The following PFKFB3 variants were observed in gnomAD, a reference collection of about 807,000 sequenced individuals.
The protein encoded by PFKFB3 is 6-phosphofructo-2-kinase/fructose-2,6-biphosphatase 3.
Under a neutral mutation model 68.0 loss-of-function variants are expected in PFKFB3, and 33 were observed. The ratio of observed to expected loss-of-function variants is 0.49; its 90% CI spans 0.37 to 0.65. The LOEUF is 0.65. PFKFB3 is among the 30% of genes least tolerant of loss of function. The probability of loss-of-function intolerance (pLI) is 0.00; values close to 1 mark genes in which losing one functional copy is unlikely to be tolerated. For synonymous variants in PFKFB3, 315 were observed against 288.2 expected, an observed-to-expected ratio of 1.09 and a Z score of -0.94; for missense variants, 586 against 712.2, an observed-to-expected ratio of 0.82 and a Z score of 2.02.
chr10:6,179,194 A>G (rs938938646), intron 1 of PFKFB3, among the ~76,000 whole-genome samples: 3 of 152,344 alleles, frequency 2.0e-5, no homozygotes, highest in Admixed American at 1.3e-4. Context: ...GCACAGAGAA[A>G]TTCAGTTATT....
chr10:6,292,579 G>A, the PFKFB3 span, among the ~76,000 whole-genome samples: 10 of 151,328 alleles, frequency 6.6e-5, no homozygotes, highest in South Asian at 2.1e-4. Context: ...GTGAGCCACC[G>A]TGCCTGGCCC....
Position 6,213,653 on chromosome 10 carries a change from CCGTCAT to C in PFKFB3, c.114_119del (p.Ile38_Val39del). 1 of 1,613,320 alleles carries C rather than the reference CCGTCAT, an allele frequency of 6.2e-7. No individual in the cohort carries two copies. The highest frequency in any genetic ancestry group is 8.5e-7 in the Non-Finnish European group (1 of 1,179,696). On this transcript the variant is annotated inframe_deletion, in exon 2 of 15. Coordinates refer to ENST00000379775, the MANE Select transcript of PFKFB3 (RefSeq NM_004566.4). ...GGGCCAAAGCTGACCAACTCCCCCACCGTCATCGTCATGGTGGGCCTCCCCGCCCGG... is the reference window on the plus strand; with the variant it reads ...GGGCCAAAGCTGACCAACTCCCCCACCGTCATGGTGGGCCTCCCCGCCCGG...
Position 6,232,893 on chromosome 10 carries a change from A to G in PFKFB3, c.1516-2A>G. The G allele has an allele frequency of 6.2e-7, 1 of 1,612,744 alleles. No homozygotes were observed. Among genetic ancestry groups the G allele is most frequent in the Non-Finnish European group, 8.5e-7 (1 of 1,179,100 alleles). ...CCCACCTCTCTTTTCTCCTGAAAAC[A>G]GAACATGAAAGGCTCCCGGAGCAGC... is the stretch of plus-strand genomic sequence containing the variant. On this transcript the variant is annotated splice_acceptor_variant, in intron 14 of 14. Transcript: ENST00000379775. LOFTEE classifies it high-confidence loss of function.
At chr10:6,204,275 A>G (rs1843544195) in intron 1 of PFKFB3, among the ~76,000 whole-genome samples, 1 of 152,232 alleles carries the variant, frequency 6.6e-6, no homozygotes, top group African/African-American at 2.4e-5. Context: ...TGGGCTGGAC[A>G]GGGAGCCGCC....
At chr10:6,174,447 G>C (rs1036724269) in intron 1 of PFKFB3, among the ~76,000 whole-genome samples, 1 of 152,212 alleles carries the variant, frequency 6.6e-6, no homozygotes, top group Non-Finnish European at 1.5e-5. Context: ...ATGGGACGCG[G>C]GCATCAGCTC....
At chr10:6,147,426 T>C (rs1289837251) in intron 1 of PFKFB3, among the ~76,000 whole-genome samples, 3 of 152,200 alleles carry the variant, frequency 2.0e-5, no homozygotes, top group African/African-American at 7.2e-5. Flanking sequence ...CAGGCTGTGC[T>C]TCTGCCTCTT....
At position 6,240,558 on chromosome 10, in the gene PFKFB3, C is replaced by A. The variant is rs556737748; in HGVS notation, c.1516-13620C>A. Among the ~76,000 whole-genome samples, 122 of 152,260 alleles carry A rather than the reference C, an allele frequency of 8.0e-4. 1 individual carries two copies. Among genetic ancestry groups the A allele is most frequent in the Admixed American group, 6.7e-3 (103 of 15,292 alleles). On this transcript the variant is annotated intron_variant, in intron 14 of 14. Coordinates refer to the PFKFB3 transcript ENST00000640683. ...GGATTACAGACGTGAGCCGCCGCGC[C>A]TGGCCTGAAATAATTTTAGATTTAC... is the stretch of plus-strand genomic sequence containing the variant.
chr10:6,207,310 T>TG (rs1314776905), intron 1 of PFKFB3, among the ~76,000 whole-genome samples: 1 of 152,162 alleles, frequency 6.6e-6, no homozygotes, highest in East Asian at 1.9e-4. Flanking sequence ...TGGCGGCGCC[T>TG]CCTGCAATCG....
At position 6,217,069 on chromosome 10, in the gene PFKFB3, G is replaced by A. The variant is rs113178056; in HGVS notation, c.442-66G>A. On this transcript the variant is annotated intron_variant, in intron 5 of 14. Transcript: ENST00000379775. Reference sequence around the variant, plus strand: ...TCCGCCTTGTCCGGGTGATGACATCGCAGTGATGGCAAGGTTGATCCTTCG... The same window carrying A: ...TCCGCCTTGTCCGGGTGATGACATCACAGTGATGGCAAGGTTGATCCTTCG... The A allele has an allele frequency of 2.6e-3, 3,851 of 1,479,304 alleles. 83 individuals carry two copies. The African/African-American group carries it at 0.048, about 18-fold the overall frequency. 91.6% of individuals were successfully genotyped at this position (1,479,304 alleles called of 1,614,324 possible).
At position 6,215,325 on chromosome 10, in the gene PFKFB3, T is replaced by G. The variant is rs1476537536; in HGVS notation, c.299+8T>G. 1.2e-6 allele frequency: 2 copies of G among 1,609,006 alleles called. No homozygotes were observed. On this transcript the variant is annotated splice_region_variant and intron_variant, in intron 3 of 14. Coordinates refer to ENST00000379775, the MANE Select transcript of PFKFB3 (RefSeq NM_004566.4). This position sits in a 1 kb window ranked among gnomAD's most constrained non-coding sequence, Gnocchi z 4.3. ...AGCCATGAAAGTCCGGAAGTAAGGC[T>G]GGGCCGCGGGCGTAGGGCTGGGCTG...
At chr10:6,205,582 G>A (rs961162094) in intron 1 of PFKFB3, among the ~76,000 whole-genome samples, 11 of 151,570 alleles carry the variant, frequency 7.3e-5, no homozygotes, top group Non-Finnish European at 1.0e-4. Context: ...TAGTAAAGAC[G>A]GGGTTTCACC....
At chr10:6,243,523 C>A (rs1263577319) in intron 14 of PFKFB3, among the ~76,000 whole-genome samples, 1 of 152,168 alleles carries the variant, frequency 6.6e-6, no homozygotes, top group Non-Finnish European at 1.5e-5. Flanking sequence ...GTGCTGTCAC[C>A]CTAGTCCCAT....
the PFKFB3 span, among the ~76,000 whole-genome samples, chr10:6,304,453 G>A: frequency 6.0e-5 from 9 of 149,962 alleles, no homozygotes; most frequent in Admixed American, 5.4e-4. Flanking sequence ...CATCCTCTGC[G>A]GGCTACTACT....
intron 1 of PFKFB3, among the ~76,000 whole-genome samples, chr10:6,170,816 A>G (rs1015017132): frequency 2.6e-5 from 4 of 152,162 alleles, no homozygotes; most frequent in African/African-American, 9.7e-5. Flanking sequence ...AGGGCTGGAC[A>G]GAAAGTGCTT....
In PFKFB3 at chr10:6,215,361, G is replaced by A; in HGVS notation, c.299+44G>A. The A allele has an allele frequency of 1.4e-6, 2 of 1,476,514 alleles. No homozygotes were observed. Among genetic ancestry groups the A allele is most frequent in the Non-Finnish European group, 1.9e-6 (2 of 1,058,696 alleles). The allele number at this position is 1,476,514 out of a possible 1,614,324, so 91.5% of individuals were successfully genotyped here. On this transcript the variant is annotated intron_variant, in intron 3 of 14. Coordinates refer to ENST00000379775, the MANE Select transcript of PFKFB3 (RefSeq NM_004566.4). This position sits in a 1 kb window ranked among gnomAD's most constrained non-coding sequence, Gnocchi z 4.3. Reference sequence around the variant, plus strand: ...CGTAGGGCTGGGCTGTGGGAATAAGGCTGGGCCGCGGGCATAAGGCTGGGC... The same window carrying A: ...CGTAGGGCTGGGCTGTGGGAATAAGACTGGGCCGCGGGCATAAGGCTGGGC...
Position 6,216,161 on chromosome 10 carries a change from C to A in PFKFB3, c.336C>A (p.Ser112Arg). 6.2e-7 allele frequency: 1 copy of A among 1,614,188 alleles called. No individual in the cohort carries two copies. Residue 112 changes from serine (S) to arginine (R), a missense_variant, in exon 4 of 15, where the codon AGC becomes AGA. Ser to Arg is a moderately radical substitution (Grantham distance 110, BLOSUM62 -1). Transcript: ENST00000379775. ...TAGCTGCCTTGAGAGATGTCAAAAG[C>A]TACCTGGCGAAAGAAGGGGGACAAA... ...CALAALRDVK[S>R]YLAKEGGQIA...
At chr10:6,150,827 G>A (rs1383994823) in intron 1 of PFKFB3, among the ~76,000 whole-genome samples, 4 of 152,130 alleles carry the variant, frequency 2.6e-5, no homozygotes, top group Admixed American at 2.0e-4. Flanking sequence ...GTGAAACCCC[G>A]TCTCTACTAA....
At chr10:6,258,185 A>T (rs1017410000), downstream of PFKFB3, among the ~76,000 whole-genome samples, 6 of 150,546 alleles carry the variant, frequency 4.0e-5, no homozygotes, top group Non-Finnish European at 7.4e-5. Context: ...TTTTGATCTT[A>T]TTTTTTTTTT....
intron 14 of PFKFB3, among the ~76,000 whole-genome samples, chr10:6,250,284 G>A (rs1209360033): frequency 3.3e-5 from 5 of 152,010 alleles, no homozygotes; most frequent in African/African-American, 9.7e-5. Context: ...AGGCGGGGTC[G>A]GCCAGGCGCA....
Sources: gnomAD v4.1 joint callset for allele counts (sites outside exome capture counted in the v4.1 genomes callset) on GRCh38, gnomAD v4.1.1 for gene constraint, Gnocchi (gnomAD v3.1) non-coding constraint, MANE v1.5 for transcripts, NCBI Gene and HGNC (gene_info 2026-07-23, HGNC 2026-07-21) for gene names.